LARP1B: variants seen among roughly 807,000 people sequenced by gnomAD.
LARP1B encodes la-related protein 1B.
LARP1B carries 76 observed loss-of-function variants against 114.2 expected under a neutral mutation model. That is an observed-to-expected ratio of 0.67 (90% confidence interval 0.55 to 0.81). The LOEUF (loss-of-function observed/expected upper bound fraction) is 0.81. Among genes scored for constraint, LARP1B ranks in the 30% least tolerant of loss-of-function variants. The pLI is 0.00. For synonymous variants in LARP1B, 345 were observed against 348.0 expected, an observed-to-expected ratio of 0.99 and a Z score of 0.10; for missense variants, 1,014 against 1,075.8, an observed-to-expected ratio of 0.94 and a Z score of 0.80.
chr4:128,187,215 T>C (rs1451065495), intron 15 of LARP1B, among the ~76,000 whole-genome samples: 2 of 152,140 alleles, frequency 1.3e-5, no homozygotes, highest in Non-Finnish European at 2.9e-5. Flanking sequence ...GAATGGTAGA[T>C]CCACTAGCAG....
chr4:128,128,317 A>G (rs1790323368), intron 11 of LARP1B, among the ~76,000 whole-genome samples: 1 of 152,198 alleles, frequency 6.6e-6, no homozygotes, highest in Admixed American at 6.5e-5. Context: ...AGGACACTAT[A>G]CAGAAAGTGA....
At chr4:128,113,446 A>G (rs1320568152) in intron 9 of LARP1B, among the ~76,000 whole-genome samples, 2 of 151,124 alleles carry the variant, frequency 1.3e-5, no homozygotes, top group Non-Finnish European at 2.9e-5. Context: ...GATTCAAGCA[A>G]TTCTCTGCCT....
chr4:128,124,408 T>G (rs1044217006), intron 11 of LARP1B, among the ~76,000 whole-genome samples: 3 of 152,016 alleles, frequency 2.0e-5, no homozygotes, highest in African/African-American at 7.3e-5. Context: ...AAGGGAACAG[T>G]AAATGTCAAG....
At chr4:128,160,521 C>CG (rs1737972888) in intron 11 of LARP1B, among the ~76,000 whole-genome samples, 2 of 151,732 alleles carry the variant, frequency 1.3e-5, no homozygotes, top group Non-Finnish European at 2.9e-5. Context: ...TTGTACACTT[C>CG]TTGTGTGTGT....
chr4:128,140,565 G>T (rs1020003428), intron 11 of LARP1B, among the ~76,000 whole-genome samples: 2 of 152,128 alleles, frequency 1.3e-5, no homozygotes, highest in African/African-American at 4.8e-5. Flanking sequence ...GTGGGGGCTG[G>T]GGGGAGGTGT....
At chr4:128,203,669 C>T (rs1051560953) in intron 17 of LARP1B, among the ~76,000 whole-genome samples, 21 of 152,002 alleles carry the variant, frequency 1.4e-4, no homozygotes, top group Admixed American at 1.3e-3. Context: ...CCACTGTGGC[C>T]GGCCAGATGA....
rs371347724 is a variant in LARP1B, at chr4:128,103,317, A to C, written c.814-3822A>C. Among the ~76,000 whole-genome samples the C allele has an allele frequency of 3.3e-5, 5 of 152,288 alleles. No individual in the cohort carries two copies. In the South Asian group the frequency reaches 8.3e-4, roughly 25 times the overall value. ...TAAATTTATTATTTCTAAATAGGAAATAAATTACACAAAATTCAAAACTCA... is the reference window on the plus strand; with the variant it reads ...TAAATTTATTATTTCTAAATAGGAACTAAATTACACAAAATTCAAAACTCA... On this transcript the variant is annotated intron_variant, in intron 8 of 19. Transcript: ENST00000326639.
intron 9 of LARP1B, among the ~76,000 whole-genome samples, chr4:128,113,463 C>T (rs933419312): frequency 6.6e-6 from 1 of 150,952 alleles, no homozygotes; most frequent in African/African-American, 2.4e-5. Context: ...GCCTCATCCT[C>T]CTGAGTAGTG....
chr4:128,074,308 G>A (rs12641548), intron 1 of LARP1B, among the ~76,000 whole-genome samples, 152 bp from the exon 2 acceptor site: 95,897 of 152,010 alleles, frequency 0.63, 30,678 homozygotes, highest in Middle Eastern at 0.81. Context: ...TGTCAAATGG[G>A]GTTGATTTTT....
intron 9 of LARP1B, among the ~76,000 whole-genome samples, chr4:128,109,386 C>A (rs148670817): frequency 6.6e-6 from 1 of 152,194 alleles, no homozygotes; most frequent in East Asian, 1.9e-4. Context: ...AATATTCTAA[C>A]ATAATTGGTC....
intron 11 of LARP1B, among the ~76,000 whole-genome samples, chr4:128,140,313 T>C (rs1344096089): frequency 6.6e-6 from 1 of 152,160 alleles, no homozygotes; most frequent in Non-Finnish European, 1.5e-5. Flanking sequence ...GACTATGTCA[T>C]CATTATAGTA....
chr4:128,066,733 C>T (rs1040793159), intron 1 of LARP1B, among the ~76,000 whole-genome samples: 3 of 151,798 alleles, frequency 2.0e-5, no homozygotes, highest in African/African-American at 7.3e-5. Context: ...CCACCTCCAC[C>T]TCCCAAAGTG....
chr4:128,099,076 G>A lies in LARP1B; in HGVS notation c.813+746G>A, dbSNP rs978412694. Among the ~76,000 whole-genome samples the A allele has an allele frequency of 5.3e-5, 8 of 151,104 alleles. No individual in the cohort carries two copies. In the South Asian group the frequency reaches 8.4e-4, roughly 16 times the overall value. On this transcript the variant is annotated intron_variant, in intron 8 of 19. Transcript: ENST00000326639. The stretch of plus-strand genomic sequence containing the variant: ...CAGGTGTGAGCCAGCACTCCCAGCC[G>A]TTCCCACTTATTGAAAGGCTAATTT...
At position 128,109,869 on chromosome 4, in the gene LARP1B, T is replaced by A. The variant is rs79005624; in HGVS notation, c.988+2556T>A. ...AAAAAATCATACCAGAGATGAAATG[T>A]ATATGGTGATTTATCTTTGGAGAGT... On this transcript the variant is annotated intron_variant, in intron 9 of 19. Transcript: ENST00000326639. 3.1e-3 allele frequency among the ~76,000 whole-genome samples: 465 copies of A among 152,166 alleles called. 4 individuals are homozygous for A. The highest frequency in any genetic ancestry group is 0.011 in the African/African-American group (447 of 41,530).
At chr4:128,083,612 G>A (rs1180979146) in intron 5 of LARP1B, among the ~76,000 whole-genome samples, 2 of 148,748 alleles carry the variant, frequency 1.3e-5, no homozygotes, top group Admixed American at 1.3e-4. Flanking sequence ...GCGGCTGGCC[G>A]GGCGGGGTGC....
chr4:128,178,035 G>GATATATATATATATAT (rs35878913), intron 13 of LARP1B, among the ~76,000 whole-genome samples: 423 of 137,706 alleles, frequency 3.1e-3, no homozygotes, highest in East Asian at 0.012. Context: ...TTTACAAAGT[G>GATATATATATATATAT]ATATATATAT....
intron 11 of LARP1B, among the ~76,000 whole-genome samples, chr4:128,149,418 G>A (rs1731698757): frequency 8.0e-6 from 1 of 124,256 alleles, no homozygotes; most frequent in Admixed American, 7.3e-5. Context: ...GAGGACAGAA[G>A]TTGAGTTAAA....
intron 1 of LARP1B, among the ~76,000 whole-genome samples, chr4:128,071,510 C>G (rs1444673323): frequency 6.6e-6 from 1 of 150,432 alleles, no homozygotes; most frequent in Non-Finnish European, 1.5e-5. Flanking sequence ...CAACCTCCGT[C>G]TCCTGGGTTC....
At chr4:128,081,293 G>A (rs1770273830) in intron 4 of LARP1B, among the ~76,000 whole-genome samples, 1 of 150,786 alleles carries the variant, frequency 6.6e-6, no homozygotes, top group East Asian at 2.0e-4. Context: ...TTGCCAGGCT[G>A]GTTTTGAACT....
Sources: gnomAD v4.1 joint callset for allele counts (sites outside exome capture counted in the v4.1 genomes callset) on GRCh38, gnomAD v4.1.1 for gene constraint, MANE v1.5 for transcripts, NCBI Gene and HGNC (gene_info 2026-07-23, HGNC 2026-07-21) for gene names.